Variants in CPED1 observed in about 807,000 individuals in gnomAD.
CPED1 encodes the protein cadherin-like and PC-esterase domain-containing protein 1.
CPED1 carries 114 observed loss-of-function variants against 128.2 expected under a neutral mutation model. The ratio of observed to expected loss-of-function variants is 0.89; its 90% CI spans 0.76 to 1.04. CPED1 has a LOEUF of 1.04. CPED1 is among the 50% of genes least tolerant of loss of function. The probability of loss-of-function intolerance (pLI) is 0.00; values close to 1 mark genes in which losing one functional copy is unlikely to be tolerated. For missense variants in CPED1, 1,211 were observed against 1,207.1 expected (o/e 1.00, Z -0.05); for synonymous variants, 462 against 426.7 (o/e 1.08, Z -1.02).
In CPED1 at chr7:121,124,490, A is replaced by G. The variant is rs764871220; in HGVS notation, c.1061+17A>G. ...CTTCCATAGGTAAAAAACAAATTTT[A>G]ATTTAAAAAAAAAAGAAAAGAAAGA... On this transcript the variant is annotated intron_variant, in intron 8 of 22. Transcript: ENST00000310396. 1.4e-6 allele frequency: 2 copies of G among 1,418,648 alleles called. No homozygotes were observed. The highest frequency in any genetic ancestry group is 1.9e-6 in the Non-Finnish European group (2 of 1,070,494). 87.9% of individuals were successfully genotyped at this position (1,418,648 alleles called of 1,614,324 possible). A position where few individuals can be genotyped will look rare whatever the true frequency, so the allele number is the denominator to read the frequency against.
In CPED1 at chr7:121,271,458, T is replaced by C. The variant is rs150246552; in HGVS notation, c.2868+28T>C. 756 of 1,599,694 alleles carry C rather than the reference T, an allele frequency of 4.7e-4. 3 individuals carry two copies. The African/African-American group carries it at 8.1e-3, about 17-fold the overall frequency. On this transcript the variant is annotated intron_variant, in intron 22 of 22. Transcript: ENST00000310396. The stretch of plus-strand genomic sequence containing the variant: ...ATTTATGCTGGCTATCTGAGTTTTA[T>C]AGCTTTTGATCTTTTAAAATTGTTT...
At chr7:121,118,703 G>T (rs1286104387) in intron 7 of CPED1, among the ~76,000 whole-genome samples, 2 of 152,172 alleles carry the variant, frequency 1.3e-5, no homozygotes, top group East Asian at 3.8e-4. Flanking sequence ...CCGTCCTGCA[G>T]GTTGTACAGG....
intron 3 of CPED1, among the ~76,000 whole-genome samples, chr7:121,035,474 G>A (rs1292259426): frequency 6.6e-6 from 1 of 152,122 alleles, no homozygotes; most frequent in African/African-American, 2.4e-5. Context: ...GGAGATGTGA[G>A]TACCAGTTGA....
At chr7:121,035,144 G>A (rs1442482427) in intron 3 of CPED1, among the ~76,000 whole-genome samples, 2 of 152,162 alleles carry the variant, frequency 1.3e-5, no homozygotes, top group Non-Finnish European at 2.9e-5. Flanking sequence ...GTTTGTGGTA[G>A]GGAGGGGCTA....
At chr7:121,163,040 A>C (rs1796445619) in intron 16 of CPED1, among the ~76,000 whole-genome samples, 1 of 152,228 alleles carries the variant, frequency 6.6e-6, no homozygotes, top group African/African-American at 2.4e-5. Context: ...ATGCTGGGAA[A>C]CAAAGAACAA....
chr7:121,184,251 C>A (rs1182629368), intron 16 of CPED1, among the ~76,000 whole-genome samples: 1 of 151,682 alleles, frequency 6.6e-6, no homozygotes, highest in Non-Finnish European at 1.5e-5. Flanking sequence ...CCATTTTTTT[C>A]TACTATTTAA....
chr7:121,295,439 G>A lies in CPED1; in HGVS notation c.2869-1G>A, dbSNP rs1792802901. ...ACAGTTTTCTTGCTCTTCATTTACA[G>A]GTAGTGAAATCAAAGTTATCCAAAG... On this transcript the variant is annotated splice_acceptor_variant, in intron 22 of 22. Coordinates refer to ENST00000310396, the MANE Select transcript of CPED1 (RefSeq NM_024913.5). LOFTEE classifies it high-confidence loss of function. The A allele has an allele frequency of 1.9e-6, 3 of 1,608,488 alleles. No homozygotes were observed. The highest frequency in any genetic ancestry group is 2.5e-6 in the Non-Finnish European group (3 of 1,177,260).
intron 7 of CPED1, among the ~76,000 whole-genome samples, chr7:121,113,254 G>C (rs945981864): frequency 1.3e-5 from 2 of 152,198 alleles, no homozygotes; most frequent in East Asian, 3.9e-4. Context: ...CTATGTGCTG[G>C]GCCATGTGAA....
chr7:121,121,990 G>T (rs1049819593), intron 7 of CPED1, among the ~76,000 whole-genome samples: 2 of 152,104 alleles, frequency 1.3e-5, no homozygotes, highest in East Asian at 3.9e-4. Flanking sequence ...ACTGATAAAA[G>T]TTGTGCCTTC....
At chr7:121,005,305 A>G (rs1234014051) in intron 2 of CPED1, among the ~76,000 whole-genome samples, 1 of 152,166 alleles carries the variant, frequency 6.6e-6, no homozygotes, top group Non-Finnish European at 1.5e-5. Flanking sequence ...TTTACGTGCC[A>G]CATTTTCTTT....
chr7:121,125,897 G>C lies in CPED1; in HGVS notation c.1134+5G>C. The C allele has an allele frequency of 6.3e-7, 1 of 1,592,576 alleles. No homozygotes were observed. The highest frequency in any genetic ancestry group is 2.2e-5 in the East Asian group (1 of 44,700). ...ATGTACCCTGTAGTGCTCCAGGTCA[G>C]TATGCCAAAGGCCTCATGTGAGCTT... On this transcript the variant is annotated splice_donor_5th_base_variant and intron_variant, in intron 9 of 22. Transcript: ENST00000310396.
chr7:121,260,728 C>T (rs987857663), intron 18 of CPED1, among the ~76,000 whole-genome samples: 9 of 152,000 alleles, frequency 5.9e-5, no homozygotes, highest in South Asian at 2.1e-4. Context: ...TACTGCACTC[C>T]TATATAACTT....
chr7:120,995,899 C>CT (rs1796390028), intron 2 of CPED1, among the ~76,000 whole-genome samples: 1 of 107,134 alleles, frequency 9.3e-6, no homozygotes, highest in East Asian at 2.2e-4. Context: ...CTTCTTCTTC[C>CT]TCTTCTTCTT....
intron 9 of CPED1, among the ~76,000 whole-genome samples, chr7:121,126,448 C>G (rs1005413024): frequency 1.3e-5 from 2 of 151,694 alleles, no homozygotes; most frequent in Non-Finnish European, 2.9e-5. Context: ...TGTTTTTCCT[C>G]TAACATAGCC....
chr7:121,029,390 T>G (rs747128395), intron 3 of CPED1, among the ~76,000 whole-genome samples: 1 of 152,216 alleles, frequency 6.6e-6, no homozygotes. Flanking sequence ...GATTGAGGAC[T>G]TTACCTGTTG....
intron 16 of CPED1, among the ~76,000 whole-genome samples, chr7:121,164,289 ACTT>A (rs1385037991): frequency 6.6e-6 from 1 of 152,136 alleles, no homozygotes; most frequent in African/African-American, 2.4e-5. Context: ...TCTTTAGTTC[ACTT>A]CTTAAGTTTC....
At chr7:121,128,128 G>C (rs951707001) in intron 10 of CPED1, among the ~76,000 whole-genome samples, 2 of 151,994 alleles carry the variant, frequency 1.3e-5, no homozygotes, top group African/African-American at 4.8e-5. Flanking sequence ...TTTATAACAC[G>C]TTAGCATCTC....
At chr7:121,160,074 C>T (rs1377290159) in intron 16 of CPED1, among the ~76,000 whole-genome samples, 4 of 150,692 alleles carry the variant, frequency 2.7e-5, no homozygotes, top group African/African-American at 4.9e-5. Flanking sequence ...ATAAACAATT[C>T]CTATACACTT....
At chr7:121,159,926 A>G (rs1796376304) in intron 16 of CPED1, among the ~76,000 whole-genome samples, 1 of 152,216 alleles carries the variant, frequency 6.6e-6, no homozygotes, top group Admixed American at 6.5e-5. Flanking sequence ...GTTATGATCT[A>G]GGTTACATTA....
Sources: gnomAD v4.1 joint callset for allele counts (sites outside exome capture counted in the v4.1 genomes callset) on GRCh38, gnomAD v4.1.1 for gene constraint, MANE v1.5 for transcripts, NCBI Gene and HGNC (gene_info 2026-07-23, HGNC 2026-07-21) for gene names.